Variants in TMEM68 observed in about 807,000 individuals in gnomAD.
TMEM68 encodes the protein transmembrane protein 68.
Under a neutral mutation model 36.9 loss-of-function variants are expected in TMEM68, and 25 were observed. That is an observed-to-expected ratio of 0.68 (90% CI 0.49 to 0.95). The LOEUF is 0.95. TMEM68 is among the 40% of genes least tolerant of loss of function. The pLI is 0.00. For synonymous variants in TMEM68, 131 were observed against 124.4 expected (o/e 1.05, Z -0.35); for missense variants, 333 against 392.0 (o/e 0.85, Z 1.27).
In TMEM68 at chr8:55,773,331, G is replaced by T; in HGVS notation, c.-177C>A. Reference sequence around the variant, plus strand: ...GCCAAGGGGGCGGACAGATTTGCACGGCGGATTCCTCCGAAGCAACCCGTG... The same window carrying T: ...GCCAAGGGGGCGGACAGATTTGCACTGCGGATTCCTCCGAAGCAACCCGTG... On this transcript the variant is annotated 5_prime_UTR_variant, in exon 1 of 8. Transcript: ENST00000434581. 3.3e-6 allele frequency: 1 copy of T among 300,246 alleles called. No individual in the cohort carries two copies. The highest frequency in any genetic ancestry group is 6.2e-6 in the Non-Finnish European group (1 of 160,724). The allele number at this position is 300,246 out of a possible 1,614,324, so 18.6% of individuals were successfully genotyped here.
At chr8:55,754,964 C>T (rs917683335) in intron 4 of TMEM68, among the ~76,000 whole-genome samples, 5 of 140,594 alleles carry the variant, frequency 3.6e-5, no homozygotes, top group Non-Finnish European at 3.0e-5. Context: ...CACACACACA[C>T]ACACACACAC....
intron 4 of TMEM68, among the ~76,000 whole-genome samples, chr8:55,754,444 A>AATATATATATATAT (rs769626273): frequency 1.1e-4 from 11 of 101,142 alleles, no homozygotes; most frequent in Non-Finnish European, 1.7e-4. Flanking sequence ...CTCTGTCTCG[A>AATATATATATATAT]ATATATATAT....
At chr8:55,759,292 C>T (rs967176658) in intron 3 of TMEM68, among the ~76,000 whole-genome samples, 9 of 151,072 alleles carry the variant, frequency 6.0e-5, no homozygotes, top group South Asian at 2.1e-4. Context: ...AAATACAGTC[C>T]GGGCACAGTG....
At chr8:55,750,427 C>T (rs1261648344) in intron 5 of TMEM68, among the ~76,000 whole-genome samples, 1 of 151,892 alleles carries the variant, frequency 6.6e-6, no homozygotes, top group Non-Finnish European at 1.5e-5. Flanking sequence ...AGAAACTTTC[C>T]ATAGGTAATA....
intron 1 of TMEM68, among the ~76,000 whole-genome samples, chr8:55,769,222 C>G (rs143896153): frequency 1.4e-4 from 20 of 146,334 alleles, no homozygotes; most frequent in Admixed American, 2.9e-4. Flanking sequence ...ACTTGGGAGG[C>G]TGAGGCACTA....
At position 55,751,074 on chromosome 8, in the gene TMEM68, A is replaced by C; in HGVS notation, c.577T>G (p.Leu193Val). ...CVEILRSGHL[L>V]AISPGGVREA... ...CGAACTCCACCTGGTGAGATAGCTA[A>C]CAAGTGGCCACTCCTCAGAATTTCA... is the stretch of plus-strand genomic sequence containing the variant. The change falls in exon 5 of 8, where the codon TTA becomes GTA. Residue 193 changes from leucine (L) to valine (V), a missense_variant. Leu to Val is a conservative substitution (Grantham distance 32, BLOSUM62 1). Coordinates refer to ENST00000434581, the MANE Select transcript of TMEM68 (RefSeq NM_001286657.2). The C allele has an allele frequency of 6.2e-7, 1 of 1,614,152 alleles. No individual in the cohort carries two copies. The highest frequency in any genetic ancestry group is 8.5e-7 in the Non-Finnish European group (1 of 1,180,002).
At chr8:55,751,930 C>A (rs1810435675) in intron 4 of TMEM68, among the ~76,000 whole-genome samples, 1 of 152,170 alleles carries the variant, frequency 6.6e-6, no homozygotes, top group African/African-American at 2.4e-5. Context: ...GCAGACTGGT[C>A]AGGCACGGTG....
At chr8:55,742,645 T>A (rs921101997) in intron 7 of TMEM68, among the ~76,000 whole-genome samples, 9 of 152,098 alleles carry the variant, frequency 5.9e-5, no homozygotes, top group African/African-American at 1.9e-4. Context: ...CTTCATGATA[T>A]CCTCCTACCT....
At chr8:55,760,503 C>A (rs1301051617) in intron 3 of TMEM68, among the ~76,000 whole-genome samples, 1 of 152,210 alleles carries the variant, frequency 6.6e-6, no homozygotes, top group Non-Finnish European at 1.5e-5. Flanking sequence ...CCACATAGAA[C>A]AGCTGTCTCA....
chr8:55,740,353 T>C, intron 7 of TMEM68, 135 bp from the exon 8 acceptor site: 2 of 627,468 alleles, frequency 3.2e-6, no homozygotes, highest in Non-Finnish European at 5.2e-6. Flanking sequence ...TTTATAGAGA[T>C]GGGGTTTCAC....
At chr8:55,765,433 G>A (rs955679355) in intron 1 of TMEM68, among the ~76,000 whole-genome samples, 6 of 152,112 alleles carry the variant, frequency 3.9e-5, no homozygotes, top group Admixed American at 1.3e-4. Context: ...CTGTGCCTCC[G>A]TTTGCTAAAA....
chr8:55,757,056 G>A (rs988293490), intron 3 of TMEM68, among the ~76,000 whole-genome samples: 8 of 152,216 alleles, frequency 5.3e-5, no homozygotes, highest in African/African-American at 9.6e-5. Flanking sequence ...TAAGAATAAC[G>A]GGAGCCAGGT....
intron 3 of TMEM68, among the ~76,000 whole-genome samples, chr8:55,757,397 T>C (rs1810639194): frequency 6.6e-6 from 1 of 152,160 alleles, no homozygotes; most frequent in Admixed American, 6.5e-5. Flanking sequence ...GTAGAATCTC[T>C]GGAAGCCCCA....
intron 1 of TMEM68, among the ~76,000 whole-genome samples, chr8:55,769,480 T>A (rs188614838): frequency 2.0e-5 from 3 of 152,264 alleles, no homozygotes; most frequent in Admixed American, 1.3e-4. Flanking sequence ...AATGTACAAG[T>A]GGATGGCCCT....
At chr8:55,751,263 G>T in intron 4 of TMEM68, 106 bp from the exon 5 acceptor site, 1 of 1,037,066 alleles carries the variant, frequency 9.6e-7, no homozygotes, top group Non-Finnish European at 1.4e-6. Flanking sequence ...ACTTAAATCA[G>T]TAAACTTTTT....
chr8:55,759,886 C>A (rs1400154932), intron 3 of TMEM68, among the ~76,000 whole-genome samples: 1 of 152,182 alleles, frequency 6.6e-6, no homozygotes, highest in East Asian at 1.9e-4. Flanking sequence ...CCTGTAGAAG[C>A]GAGATCAGAG....
intron 5 of TMEM68, chr8:55,745,445 G>A (rs1234543987): frequency 6.3e-6 from 1 of 158,810 alleles, no homozygotes; most frequent in African/African-American, 2.4e-5. Context: ...CACACGATTA[G>A]TCTATCAACT....
In TMEM68 at chr8:55,769,456, A is replaced by C. The variant is rs149700123; in HGVS notation, c.-115+3813T>G. Among the ~76,000 whole-genome samples the C allele has an allele frequency of 4.7e-3, 723 of 152,240 alleles. 7 individuals carry two copies. The highest frequency in any genetic ancestry group is 0.017 in the African/African-American group (688 of 41,554). ...AGAGCTCTGTCCTTGACTAGGCCAA[A>C]GGGGACAGGATACAATGTACAAGTG... On this transcript the variant is annotated intron_variant, in intron 1 of 7. Coordinates refer to ENST00000434581, the MANE Select transcript of TMEM68 (RefSeq NM_001286657.2).
chr8:55,766,412 T>C (rs1810963807), intron 1 of TMEM68, among the ~76,000 whole-genome samples: 2 of 147,290 alleles, frequency 1.4e-5, no homozygotes, highest in African/African-American at 2.5e-5. Flanking sequence ...AGTCTGGCTC[T>C]GTTGCCCAGG....
Sources: allele counts gnomAD v4.1 joint callset (sites outside exome capture counted in the v4.1 genomes callset), GRCh38; gene constraint gnomAD v4.1.1; transcripts MANE v1.5; gene names NCBI Gene and HGNC (gene_info 2026-07-23, HGNC 2026-07-21).